Variants in TMTC2 observed in about 807,000 individuals in gnomAD.
TMTC2 encodes transmembrane O-mannosyltransferase targeting cadherins 2.
TMTC2 carries 43 observed loss-of-function variants against 82.4 expected under a neutral mutation model. The observed-to-expected ratio is 0.52, with a 90% CI of 0.41 to 0.67. TMTC2 has a LOEUF of 0.67. Among genes scored for constraint, TMTC2 ranks in the 30% least tolerant of loss-of-function variants. The pLI, the probability that TMTC2 is intolerant of heterozygous loss-of-function variation, is 0.00. For missense variants in TMTC2, 919 were observed against 1,012.4 expected (o/e 0.91, Z 1.25); for synonymous variants, 408 against 381.9 (o/e 1.07, Z -0.80).
rs71068957 is a variant in TMTC2 at position 82,912,939 on chromosome 12, GAAAAAAA to G, written c.1483+16303_1483+16309del. ...GGGTGACAGAGTTGAGACCTTGTCT[GAAAAAAA>G]AAAAAAAAAGAATGGGTGGTAATAT... On this transcript the variant is annotated intron_variant, in intron 3 of 11. Transcript: ENST00000321196. Among the ~76,000 whole-genome samples the G allele has an allele frequency of 2.4e-5, 3 of 126,930 alleles. No homozygotes were observed. In the Admixed American group the frequency reaches 2.5e-4, roughly 11 times the overall value. The allele number at this position is 126,930 out of a possible 152,430, so 83.3% of individuals were successfully genotyped here. A position where few individuals can be genotyped will look rare whatever the true frequency, so the allele number is the denominator to read the frequency against.
chr12:83,126,275 A>G (rs909603724), intron 11 of TMTC2, among the ~76,000 whole-genome samples: 2 of 152,246 alleles, frequency 1.3e-5, no homozygotes, highest in African/African-American at 4.8e-5. Context: ...TTAAGCACCA[A>G]TTTCAGGATT....
At chr12:82,919,450 T>C (rs907078787) in intron 3 of TMTC2, among the ~76,000 whole-genome samples, 2 of 152,126 alleles carry the variant, frequency 1.3e-5, no homozygotes, top group Non-Finnish European at 2.9e-5. Context: ...AATGCAAAAA[T>C]ACATTCATTT....
intron 4 of TMTC2, among the ~76,000 whole-genome samples, chr12:82,952,020 G>GA (rs1318533355): frequency 6.6e-6 from 1 of 152,180 alleles, no homozygotes; most frequent in Non-Finnish European, 1.5e-5. Flanking sequence ...AAAAGTCACA[G>GA]AAGTGCTTCA....
intron 3 of TMTC2, among the ~76,000 whole-genome samples, chr12:82,912,334 C>T (rs375094655): frequency 6.6e-6 from 1 of 152,090 alleles, no homozygotes; most frequent in Non-Finnish European, 1.5e-5. Context: ...AACTTACAGT[C>T]GTTTAATATT....
At chr12:83,036,391 T>C (rs1317751410) in intron 9 of TMTC2, among the ~76,000 whole-genome samples, 9 of 152,004 alleles carry the variant, frequency 5.9e-5, no homozygotes, top group Admixed American at 5.9e-4. Context: ...ATTATTATTA[T>C]TTGGCTCTAT....
At chr12:82,851,754 G>A (rs535294589) in intron 1 of TMTC2, among the ~76,000 whole-genome samples, 124 of 152,118 alleles carry the variant, frequency 8.2e-4, no homozygotes, top group Non-Finnish European at 1.5e-3. Flanking sequence ...TTTAATTTAA[G>A]TTTGGCCTTT....
intron 2 of TMTC2, among the ~76,000 whole-genome samples, chr12:82,893,978 A>G (rs1873529438): frequency 6.6e-6 from 1 of 152,220 alleles, no homozygotes; most frequent in Non-Finnish European, 1.5e-5. Flanking sequence ...GATTCAGGAT[A>G]TATTTGGACG....
chr12:83,074,887 C>T (rs768331541), intron 11 of TMTC2, among the ~76,000 whole-genome samples: 10 of 152,164 alleles, frequency 6.6e-5, no homozygotes, highest in East Asian at 1.9e-4. Context: ...AAGTTCAGGC[C>T]GGGAGGCTTC....
At chr12:82,838,119 T>C (rs1420934298) in intron 1 of TMTC2, among the ~76,000 whole-genome samples, 1 of 152,190 alleles carries the variant, frequency 6.6e-6, no homozygotes, top group African/African-American at 2.4e-5. Context: ...TCCCTATCCT[T>C]CTTCTCCCCT....
At chr12:83,081,667 C>T (rs1305799455) in intron 11 of TMTC2, among the ~76,000 whole-genome samples, 1 of 151,904 alleles carries the variant, frequency 6.6e-6, no homozygotes, top group East Asian at 1.9e-4. Flanking sequence ...TCTAAAATTC[C>T]CCTACATATA....
intron 9 of TMTC2, among the ~76,000 whole-genome samples, chr12:83,043,974 G>A (rs1179112621): frequency 1.3e-5 from 2 of 152,088 alleles, no homozygotes; most frequent in Non-Finnish European, 2.9e-5. Context: ...TGGATTTTTT[G>A]TGTTTTCCAA....
Position 82,806,643 on chromosome 12 carries a change from T to G in TMTC2, c.84-50367T>G, listed in dbSNP as rs143809189. Among the ~76,000 whole-genome samples the G allele has an allele frequency of 2.7e-3, 418 of 152,298 alleles. 1 individual carries two copies. Among genetic ancestry groups the G allele is most frequent in the African/African-American group, 9.2e-3 (384 of 41,578 alleles). On this transcript the variant is annotated intron_variant, in intron 1 of 11. Transcript: ENST00000321196. ...TTAATTAACACATTTGGTATATGTA[T>G]TATATACTGTTTTCTTACAGTAAAG...
At chr12:83,024,223 C>T (rs1464646649) in intron 8 of TMTC2, among the ~76,000 whole-genome samples, 1 of 152,102 alleles carries the variant, frequency 6.6e-6, no homozygotes, top group African/African-American at 2.4e-5. Flanking sequence ...ACATGTAACA[C>T]ATAAATATGT....
chr12:82,737,535 G>A (rs1183606261), intron 1 of TMTC2, among the ~76,000 whole-genome samples: 1 of 152,136 alleles, frequency 6.6e-6, no homozygotes, highest in Non-Finnish European at 1.5e-5. Context: ...TAAAATGGCT[G>A]CCATCTTTAT....
At chr12:82,848,477 A>G (rs1235446514) in intron 1 of TMTC2, among the ~76,000 whole-genome samples, 1 of 152,084 alleles carries the variant, frequency 6.6e-6, no homozygotes. Flanking sequence ...CTCCTTGTAC[A>G]TTTATTTGCC....
chr12:82,997,467 T>G (rs1332145290), intron 8 of TMTC2, among the ~76,000 whole-genome samples: 2 of 137,384 alleles, frequency 1.5e-5, no homozygotes, highest in East Asian at 2.1e-4. Context: ...TTATATATAG[T>G]TATGTATGTC....
intron 1 of TMTC2, among the ~76,000 whole-genome samples, chr12:82,798,792 A>C (rs1054803297): frequency 6.3e-5 from 9 of 143,304 alleles, no homozygotes; most frequent in African/African-American, 1.1e-4. Context: ...GGGCAACAAG[A>C]GGGTAACTCC....
At chr12:83,026,705 AGTGT>A (rs67900968) in intron 8 of TMTC2, among the ~76,000 whole-genome samples, 12,973 of 142,890 alleles carry the variant, frequency 0.091, 684 homozygotes, top group East Asian at 0.24. Context: ...TGATTGAAGG[AGTGT>A]GTGTGTGTGT....
chr12:82,951,749 T>G (rs112939540), intron 4 of TMTC2, among the ~76,000 whole-genome samples: 5 of 152,214 alleles, frequency 3.3e-5, no homozygotes, highest in Non-Finnish European at 7.3e-5. Flanking sequence ...TCACAGCAAG[T>G]GTGTTAAGCA....
Sources: allele counts gnomAD v4.1 joint callset (sites outside exome capture counted in the v4.1 genomes callset), GRCh38; gene constraint gnomAD v4.1.1; transcripts MANE v1.5; gene names NCBI Gene and HGNC (gene_info 2026-07-23, HGNC 2026-07-21).